Variants in DLG2 observed in about 807,000 individuals in gnomAD.
The protein encoded by DLG2 is discs large MAGUK scaffold protein 2.
Under a neutral mutation model 132.5 loss-of-function variants are expected in DLG2, and 45 were observed. The observed-to-expected ratio is 0.34, with a 90% CI of 0.27 to 0.44. The LOEUF is 0.44. DLG2 is among the 20% of genes least tolerant of loss of function. The pLI is 1.00. For synonymous variants in DLG2, 424 were observed against 419.6 expected, an observed-to-expected ratio of 1.01 and a Z score of -0.13; for missense variants, 1,045 against 1,196.9, an observed-to-expected ratio of 0.87 and a Z score of 1.87.
chr11:84,893,836 G>C (rs916109878), intron 6 of DLG2, among the ~76,000 whole-genome samples: 4 of 152,112 alleles, frequency 2.6e-5, no homozygotes, highest in Non-Finnish European at 5.9e-5. Context: ...CAATTAATAA[G>C]TATTTACAGG....
chr11:85,243,323 A>AC (rs988938868), intron 4 of DLG2, among the ~76,000 whole-genome samples: 1 of 151,998 alleles, frequency 6.6e-6, no homozygotes, highest in Non-Finnish European at 1.5e-5. Flanking sequence ...CTGTGACTAG[A>AC]CATTGAGCTT....
intron 6 of DLG2, among the ~76,000 whole-genome samples, chr11:84,562,081 T>C (rs1259599123): frequency 6.6e-6 from 1 of 152,172 alleles, no homozygotes; most frequent in Non-Finnish European, 1.5e-5. Flanking sequence ...AATATACTTT[T>C]ATAAAGTTAC....
chr11:83,634,905 C>T (rs916058224), intron 18 of DLG2, among the ~76,000 whole-genome samples: 10 of 152,100 alleles, frequency 6.6e-5, no homozygotes, highest in African/African-American at 2.4e-4. Context: ...CTGGTATTAT[C>T]CAGATTTGGA....
At chr11:85,123,797 A>G (rs1827390708) in intron 5 of DLG2, among the ~76,000 whole-genome samples, 1 of 152,240 alleles carries the variant, frequency 6.6e-6, no homozygotes, top group Non-Finnish European at 1.5e-5. Context: ...GTGGGTAAGC[A>G]TATTAAAACA....
At chr11:83,748,079 T>C (rs2093044687) in intron 18 of DLG2, among the ~76,000 whole-genome samples, 1 of 152,236 alleles carries the variant, frequency 6.6e-6, no homozygotes, top group Admixed American at 6.5e-5. Flanking sequence ...TCCCCATCTT[T>C]AATCATATAA....
chr11:83,875,664 T>A (rs1269483213), intron 15 of DLG2, among the ~76,000 whole-genome samples: 2 of 152,160 alleles, frequency 1.3e-5, no homozygotes, highest in African/African-American at 4.8e-5. Flanking sequence ...AATATTTTGG[T>A]TGAAACACTA....
intron 19 of DLG2, among the ~76,000 whole-genome samples, chr11:83,559,492 G>A (rs1216834986): frequency 6.6e-6 from 1 of 152,166 alleles, no homozygotes; most frequent in African/African-American, 2.4e-5. Flanking sequence ...GGCTGGAAAT[G>A]AGAATTTACA....
intron 18 of DLG2, among the ~76,000 whole-genome samples, chr11:83,681,235 CAG>C (rs1460079274): frequency 6.6e-6 from 1 of 152,124 alleles, no homozygotes; most frequent in Non-Finnish European, 1.5e-5. Context: ...AACAACACAG[CAG>C]AGAGTCTAAG....
At chr11:84,545,295 G>T in intron 6 of DLG2, 1 of 505,500 alleles carries the variant, frequency 2.0e-6, no homozygotes. Context: ...ACTGATTGTT[G>T]TAGCTGCCAA....
At chr11:83,511,246 T>G (rs1013294351) in intron 21 of DLG2, among the ~76,000 whole-genome samples, 2 of 152,182 alleles carry the variant, frequency 1.3e-5, no homozygotes, top group Non-Finnish European at 2.9e-5. Context: ...AACATGCTAT[T>G]GTTTTCCTTC....
chr11:83,993,965 G>T (rs2093874405), intron 11 of DLG2, among the ~76,000 whole-genome samples: 1 of 152,128 alleles, frequency 6.6e-6, no homozygotes. Flanking sequence ...TATCTGAAGG[G>T]TAACTCGGTG....
chr11:84,313,730 T>C (rs2098326711), intron 7 of DLG2, among the ~76,000 whole-genome samples: 2 of 150,046 alleles, frequency 1.3e-5, no homozygotes, highest in Non-Finnish European at 1.5e-5. Context: ...GAAAGACAAA[T>C]GCACAAAACT....
intron 14 of DLG2, among the ~76,000 whole-genome samples, chr11:83,960,012 A>T (rs945276596): frequency 1.1e-4 from 16 of 149,874 alleles, no homozygotes; most frequent in African/African-American, 3.5e-4. Flanking sequence ...TATAAAGATG[A>T]TCCAAAGGTA....
At chr11:83,936,842 T>C (rs1403279699) in intron 14 of DLG2, among the ~76,000 whole-genome samples, 2 of 152,198 alleles carry the variant, frequency 1.3e-5, no homozygotes, top group East Asian at 1.9e-4. Flanking sequence ...GAGGGATCTC[T>C]GTTTTTGGTA....
chr11:85,342,834 C>T (rs560517842), intron 3 of DLG2, among the ~76,000 whole-genome samples: 22 of 152,140 alleles, frequency 1.4e-4, no homozygotes, highest in Non-Finnish European at 2.5e-4. Context: ...CATATAAGTG[C>T]TCTGGCATTT....
intron 7 of DLG2, among the ~76,000 whole-genome samples, chr11:84,309,287 T>TA (rs1188347713): frequency 1.3e-5 from 2 of 152,118 alleles, no homozygotes; most frequent in African/African-American, 4.8e-5. Context: ...AAATTCTGAG[T>TA]AAAAAAACAG....
chr11:84,863,027 T>G (rs373768431), intron 6 of DLG2, among the ~76,000 whole-genome samples: 36 of 152,196 alleles, frequency 2.4e-4, no homozygotes, highest in African/African-American at 8.7e-4. Context: ...CTCTGCTTGC[T>G]ATCCTTGTCT....
intron 6 of DLG2, among the ~76,000 whole-genome samples, chr11:85,063,972 C>T (rs2064486913): frequency 6.6e-6 from 1 of 151,696 alleles, no homozygotes; most frequent in Non-Finnish European, 1.5e-5. Flanking sequence ...CCTTCAGGAT[C>T]CCATAATTTA....
chr11:85,570,173 T>A (rs2077768004), intron 3 of DLG2, among the ~76,000 whole-genome samples: 2 of 152,212 alleles, frequency 1.3e-5, no homozygotes, highest in South Asian at 4.1e-4. Context: ...TCACCCACTG[T>A]AAGCTTGATA....
Sources: gnomAD v4.1 joint callset for allele counts (sites outside exome capture counted in the v4.1 genomes callset) on GRCh38, gnomAD v4.1.1 for gene constraint, MANE v1.5 for transcripts, NCBI Gene and HGNC (gene_info 2026-07-23, HGNC 2026-07-21) for gene names.